The following CSMD2 variants were observed in gnomAD, a reference collection of about 807,000 sequenced individuals.
CSMD2 encodes the protein CUB and sushi domain-containing protein 2.
CSMD2 carries 130 observed loss-of-function variants against 398.5 expected under a neutral mutation model. That is an observed-to-expected ratio of 0.33 (90% CI 0.28 to 0.38). The LOEUF (loss-of-function observed/expected upper bound fraction) is 0.38. Ranked by LOEUF, CSMD2 falls within the 10% of genes least tolerant of loss-of-function variation. CSMD2 has a pLI of 1.00. For missense variants in CSMD2, 3,829 were observed against 4,764.9 expected (o/e 0.80, Z 5.78); for synonymous variants, 1,828 against 1,908.5 (o/e 0.96, Z 1.10).
At chr1:33,724,786 A>C in intron 17 of CSMD2, 82 bp from the exon 18 acceptor site, 1 of 1,319,000 alleles carries the variant, frequency 7.6e-7, no homozygotes, top group Non-Finnish European at 1.1e-6. Context: ...GAGTAAGAAG[A>C]GAGCCCTGGT....
intron 13 of CSMD2, among the ~76,000 whole-genome samples, chr1:33,753,600 G>A (rs1648566072): frequency 6.6e-6 from 1 of 152,196 alleles, no homozygotes; most frequent in Non-Finnish European, 1.5e-5. Flanking sequence ...GTGGGAAGGG[G>A]GCTGCCACCC....
At chr1:33,917,980 G>C (rs1643812053) in intron 5 of CSMD2, 114 bp downstream of exon 5, 1 of 823,326 alleles carries the variant, frequency 1.2e-6, no homozygotes, top group Non-Finnish European at 2.0e-6. Context: ...TAGGTATAAG[G>C]AAGTGGCTAA....
chr1:34,156,051 T>C (rs966670036), intron 1 of CSMD2, among the ~76,000 whole-genome samples: 1 of 152,208 alleles, frequency 6.6e-6, no homozygotes, highest in Non-Finnish European at 1.5e-5. Context: ...CTTCTAGGAA[T>C]GCACATATGA....
At chr1:33,945,872 G>T (rs1353868707) in intron 3 of CSMD2, among the ~76,000 whole-genome samples, 3 of 152,082 alleles carry the variant, frequency 2.0e-5, no homozygotes, top group African/African-American at 7.2e-5. Context: ...AAAAACACAT[G>T]GAAAATAAGT....
chr1:33,627,609 G>A (rs1294347528), intron 32 of CSMD2, among the ~76,000 whole-genome samples: 1 of 152,230 alleles, frequency 6.6e-6, no homozygotes, highest in Non-Finnish European at 1.5e-5. Context: ...GGAAGCTCAT[G>A]TGATGCCACC....
chr1:33,800,800 A>G (rs1005746184), intron 10 of CSMD2, among the ~76,000 whole-genome samples: 6 of 152,144 alleles, frequency 3.9e-5, no homozygotes, highest in African/African-American at 1.4e-4. Flanking sequence ...CATGATTTCG[A>G]GACAGCTGTA....
intron 1 of CSMD2, among the ~76,000 whole-genome samples, chr1:34,127,612 T>C (rs1025975110): frequency 2.0e-5 from 3 of 152,156 alleles, no homozygotes; most frequent in Non-Finnish European, 4.4e-5. Flanking sequence ...CATCCTGTGA[T>C]GGAACCAGGG....
At chr1:33,527,128 G>T in intron 65 of CSMD2, 68 bp downstream of exon 65, 1 of 1,416,618 alleles carries the variant, frequency 7.1e-7, no homozygotes, top group Non-Finnish European at 1.0e-6. Context: ...AGCAACACGA[G>T]TTTTCTGGCT....
At chr1:33,982,484 A>C (rs1365875801) in intron 3 of CSMD2, among the ~76,000 whole-genome samples, 1 of 152,160 alleles carries the variant, frequency 6.6e-6, no homozygotes, top group Non-Finnish European at 1.5e-5. Flanking sequence ...AAGGGAGGAG[A>C]GAGGTTATCC....
chr1:33,920,045 AGTGGGG>A (rs1251368852), intron 4 of CSMD2, among the ~76,000 whole-genome samples: 1 of 152,154 alleles, frequency 6.6e-6, no homozygotes, highest in Non-Finnish European at 1.5e-5. Context: ...TGGTGTTGGG[AGTGGGG>A]GTGTGGATAT....
intron 20 of CSMD2, among the ~76,000 whole-genome samples, chr1:33,715,336 T>C (rs796888350): frequency 2.6e-4 from 40 of 152,344 alleles, no homozygotes; most frequent in African/African-American, 8.2e-4. Flanking sequence ...CTCAGCTACG[T>C]TGGCACTTGA....
chr1:34,000,729 C>T (rs1003692961), intron 3 of CSMD2, among the ~76,000 whole-genome samples: 4 of 152,094 alleles, frequency 2.6e-5, no homozygotes, highest in Non-Finnish European at 5.9e-5. Context: ...AGGGAATTGT[C>T]AAAGGAAGCA....
chr1:34,126,869 G>A (rs1662794116), intron 1 of CSMD2, among the ~76,000 whole-genome samples: 1 of 151,642 alleles, frequency 6.6e-6, no homozygotes, highest in African/African-American at 2.4e-5. Context: ...CACAGAGACA[G>A]GACCCACAGA....
intron 12 of CSMD2, among the ~76,000 whole-genome samples, chr1:33,784,286 G>A (rs539815633): frequency 6.6e-6 from 1 of 152,262 alleles, no homozygotes; most frequent in African/African-American, 2.4e-5. Flanking sequence ...CCAGGAGGTG[G>A]AGGTGATAGG....
rs144261088 is a variant in CSMD2 at position 33,908,194 on chromosome 1, G to A, written c.920+9900C>T. On this transcript the variant is annotated intron_variant, in intron 5 of 70. Transcript: ENST00000373381. Reference sequence around the variant, plus strand: ...GGGAACCTGGGAAGTGGTTGCAGTAGCAGGAGAGACGCAAACCAACGTGAA... The same window carrying A: ...GGGAACCTGGGAAGTGGTTGCAGTAACAGGAGAGACGCAAACCAACGTGAA... Among the ~76,000 whole-genome samples, 12 of 152,186 alleles carry A rather than the reference G, an allele frequency of 7.9e-5. No individual in the cohort carries two copies. In the East Asian group the frequency reaches 2.3e-3, roughly 29 times the overall value.
chr1:33,522,922 T>C (rs1333814539), intron 67 of CSMD2, among the ~76,000 whole-genome samples: 1 of 152,176 alleles, frequency 6.6e-6, no homozygotes, highest in Non-Finnish European at 1.5e-5. Context: ...ATCTGCATCC[T>C]CAAGTGTGAG....
chr1:33,717,157 C>T (rs577292287), intron 19 of CSMD2, among the ~76,000 whole-genome samples: 18 of 152,214 alleles, frequency 1.2e-4, no homozygotes, highest in African/African-American at 4.1e-4. Flanking sequence ...TGAGCAGCAG[C>T]TGGGTGTGGC....
At chr1:33,782,464 T>C (rs1048637259) in intron 12 of CSMD2, among the ~76,000 whole-genome samples, 1 of 152,000 alleles carries the variant, frequency 6.6e-6, no homozygotes, top group Non-Finnish European at 1.5e-5. Flanking sequence ...TCTTCACAGG[T>C]TAGGAAATTC....
intron 23 of CSMD2, among the ~76,000 whole-genome samples, chr1:33,699,882 T>C (rs1645548565): frequency 6.6e-6 from 1 of 152,214 alleles, no homozygotes; most frequent in South Asian, 2.1e-4. Flanking sequence ...TCTGGCTCTA[T>C]GGATTTGCCT....
Sources: gnomAD v4.1 joint callset for allele counts (sites outside exome capture counted in the v4.1 genomes callset) on GRCh38, gnomAD v4.1.1 for gene constraint, MANE v1.5 for transcripts, NCBI Gene and HGNC (gene_info 2026-07-23, HGNC 2026-07-21) for gene names.